STT3A: variants seen among roughly 807,000 people sequenced by gnomAD.
STT3A encodes the protein dolichyl-diphosphooligosaccharide--protein glycosyltransferase subunit STT3A.
A neutral mutation model predicts 89.2 loss-of-function variants in STT3A; 34 were observed. That is an observed-to-expected ratio of 0.38 (90% CI 0.29 to 0.51). STT3A has a LOEUF of 0.51. STT3A is among the 20% of genes least tolerant of loss of function. The pLI, the probability that STT3A is intolerant of heterozygous loss-of-function variation, is 0.89. For missense variants in STT3A, 555 were observed against 889.5 expected, an observed-to-expected ratio of 0.62 and a Z score of 4.78; for synonymous variants, 282 against 310.3, an observed-to-expected ratio of 0.91 and a Z score of 0.96.
Position 125,621,749 on chromosome 11 carries a change from A to G in STT3A, c.*939A>G, listed in dbSNP as rs961156315. On this transcript the variant is annotated 3_prime_UTR_variant, in exon 18 of 18. Coordinates refer to ENST00000392708, the MANE Select transcript of STT3A (RefSeq NM_152713.5). ...TTGAAGCTCTTTCCAAATAAGATAC[A>G]AATTAAAAGGGGAAGCATTGCCAGT... 2 of 152,222 alleles carry G rather than the reference A, an allele frequency of 1.3e-5. No individual in the cohort carries two copies. Among genetic ancestry groups the G allele is most frequent in the Admixed American group, 6.5e-5 (1 of 15,278 alleles). 9.4% of individuals were successfully genotyped at this position (152,222 alleles called of 1,614,324 possible). A position where few individuals can be genotyped will look rare whatever the true frequency, so the allele number is the denominator to read the frequency against.
rs1030125914 is a variant in STT3A at position 125,603,020 on chromosome 11, G to C, written c.417+72G>C. ...GCCTCTCTAATCGATGCTGGAGGGTGGGGGACAGAGCCTTAGAAAGGCAGG... is the reference window on the plus strand; with the variant it reads ...GCCTCTCTAATCGATGCTGGAGGGTCGGGGACAGAGCCTTAGAAAGGCAGG... On this transcript the variant is annotated intron_variant, in intron 5 of 17. Transcript: ENST00000392708. The C allele has an allele frequency of 3.2e-6, 5 of 1,569,700 alleles. No homozygotes were observed. The African/African-American group carries it at 4.0e-5, about 13-fold the overall frequency.
At chr11:125,604,056 T>G (rs1939765657) in intron 5 of STT3A, 101 bp from the exon 6 acceptor site, 1 of 1,220,772 alleles carries the variant, frequency 8.2e-7, no homozygotes, top group Admixed American at 2.3e-5. Context: ...ATTGTTGGAC[T>G]GTTTTCTGGG....
intron 17 of STT3A, 28 bp from the exon 18 acceptor site, chr11:125,620,744 A>ATAT: frequency 6.2e-7 from 1 of 1,611,348 alleles, no homozygotes; most frequent in Non-Finnish European, 8.5e-7. Flanking sequence ...CTGATTGTAA[A>ATAT]TATTAAACTG....
intron 3 of STT3A, among the ~76,000 whole-genome samples, chr11:125,598,372 T>C (rs1939563423): frequency 6.6e-6 from 1 of 152,228 alleles, no homozygotes; most frequent in South Asian, 2.1e-4. Context: ...TTAAGGCTTA[T>C]AACAAATTTG....
rs771099094 is a variant in STT3A at position 125,602,853 on chromosome 11, A to G, written c.322A>G (p.Ile108Val). 1.2e-6 allele frequency: 2 copies of G among 1,613,872 alleles called. No homozygotes were observed. The highest frequency in any genetic ancestry group is 1.3e-5 in the African/African-American group (1 of 74,882). ...AIYHVLHFFH[I>V]TIDIRNVCVF... is the part of the protein sequence containing the mutation. ...CTACCATGTACTCCATTTTTTCCAC[A>G]TCACCATCGACATTCGGAATGTCTG... The change falls in exon 5 of 18, where the codon ATC becomes GTC. Residue 108 changes from isoleucine (I) to valine (V), a missense_variant. Around this residue, in one of 5 missense-constraint regions of STT3A, gnomAD observed 129 missense variants for 193.2 expected, o/e 0.67. Coordinates refer to ENST00000392708, the MANE Select transcript of STT3A (RefSeq NM_152713.5).
At chr11:125,595,858 T>C in intron 1 of STT3A, 23 bp from the exon 2 acceptor site, 1 of 1,088,916 alleles carries the variant, frequency 9.2e-7, no homozygotes, top group Admixed American at 1.8e-5. Flanking sequence ...CAATATCTTG[T>C]GGTCTTGACT....
rs34558992 is a variant in STT3A, at chr11:125,594,582, CAAA to C, written c.-35-1281_-35-1279del. ...CTGGCGACAGAGCAAGACTCCGTCT[CAAA>C]AAAAAAAAAAAAAAAAAGATAGTAG... On this transcript the variant is annotated intron_variant, in intron 1 of 17. Transcript: ENST00000392708. Among the ~76,000 whole-genome samples, 8 of 92,334 alleles carry C rather than the reference CAAA, an allele frequency of 8.7e-5. 1 individual carries two copies. Among genetic ancestry groups the C allele is most frequent in the African/African-American group, 9.4e-5 (2 of 21,172 alleles). 60.6% of individuals were successfully genotyped at this position (92,334 alleles called of 152,430 possible).
chr11:125,599,607 T>C (rs989131897), intron 3 of STT3A, among the ~76,000 whole-genome samples: 1 of 150,770 alleles, frequency 6.6e-6, no homozygotes, highest in Admixed American at 6.6e-5. Context: ...TTGGGTCTTG[T>C]TATGTTACAC....
At chr11:125,601,906 C>T (rs1164121119) in intron 3 of STT3A, among the ~76,000 whole-genome samples, 3 of 151,918 alleles carry the variant, frequency 2.0e-5, no homozygotes. Context: ...TCTAGCGATT[C>T]TCCTGCCTCA....
At chr11:125,607,806 T>C (rs1939882609) in intron 8 of STT3A, among the ~76,000 whole-genome samples, 2 of 152,220 alleles carry the variant, frequency 1.3e-5, no homozygotes, top group Non-Finnish European at 2.9e-5. Context: ...AGTTGGACCT[T>C]GAATGATGAG....
intron 7 of STT3A, 65 bp from the exon 8 acceptor site, chr11:125,606,236 C>A: frequency 7.0e-7 from 1 of 1,436,664 alleles, no homozygotes; most frequent in South Asian, 1.3e-5. Context: ...TGATATCCTA[C>A]AATATAGTGG....
chr11:125,609,256 C>T (rs1939928540), intron 9 of STT3A, among the ~76,000 whole-genome samples, 178 bp from the exon 10 acceptor site: 1 of 152,222 alleles, frequency 6.6e-6, no homozygotes, highest in South Asian at 2.1e-4. Context: ...GACAAAAGTA[C>T]TCTCAGGTTT....
intron 15 of STT3A, among the ~76,000 whole-genome samples, 178 bp from the exon 16 acceptor site, chr11:125,618,195 T>G (rs1940234450): frequency 6.6e-6 from 1 of 152,200 alleles, no homozygotes; most frequent in Non-Finnish European, 1.5e-5. Flanking sequence ...TCAGAAAAGT[T>G]GTATATTTTG....
In STT3A at chr11:125,612,674, A is replaced by G; in HGVS notation, c.1292A>G (p.Lys431Arg). The G allele has an allele frequency of 6.8e-6, 11 of 1,614,228 alleles. No individual in the cohort carries two copies. Among genetic ancestry groups the G allele is most frequent in the Non-Finnish European group, 8.5e-6 (10 of 1,180,034 alleles). ...TCCCAGGTGCTGTCCACATACATGAAGAATCTGGACATAAGTCGTCCAGAC... is the reference window on the plus strand; with the variant it reads ...TCCCAGGTGCTGTCCACATACATGAGGAATCTGGACATAAGTCGTCCAGAC... ...GVSQVLSTYM[K>R]NLDISRPDKK... The change falls in exon 12 of 18, where the codon AAG becomes AGG. Residue 431 changes from lysine (K) to arginine (R), a missense_variant. Transcript: ENST00000392708.
At chr11:125,605,366 C>T (rs111474770) in intron 6 of STT3A, among the ~76,000 whole-genome samples, 4 of 152,048 alleles carry the variant, frequency 2.6e-5, no homozygotes, top group African/African-American at 9.7e-5. Context: ...TAATAATGGC[C>T]AATATTTACT....
chr11:125,596,460 G>T lies in STT3A; in HGVS notation c.88+457G>T, dbSNP rs146269525. ...AGCCTGGGCAACAGAGCAAGACTCT[G>T]TCTCAAAAAAAAGAGGGCTGTGATC... On this transcript the variant is annotated intron_variant, in intron 2 of 17. Transcript: ENST00000392708. Among the ~76,000 whole-genome samples the T allele has an allele frequency of 5.9e-3, 899 of 152,146 alleles. 9 individuals are homozygous for T. Among genetic ancestry groups the T allele is most frequent in the African/African-American group, 0.02 (835 of 41,486 alleles).
Position 125,609,449 on chromosome 11 carries a change from G to C in STT3A, c.977G>C (p.Trp326Ser). The change falls in exon 10 of 18, where the codon TGG becomes TCG. Residue 326 changes from tryptophan to serine, a missense_variant. Trp to Ser is a radical substitution (Grantham distance 177). Around this residue, in one of 5 missense-constraint regions of STT3A, gnomAD observed 149 missense variants for 206.2 expected, o/e 0.72. Transcript: ENST00000392708. ...TTGCTGCTAGGAAAAATATCTCCCT[G>C]GACGGGGCGTTTCTACTCGCTGCTG... ...LLMLTGKISP[W>S]TGRFYSLLDP... 1 of 1,610,090 alleles carries C rather than the reference G, an allele frequency of 6.2e-7. No homozygotes were observed. Among genetic ancestry groups the C allele is most frequent in the Non-Finnish European group, 8.5e-7 (1 of 1,178,892 alleles).
At position 125,594,256 on chromosome 11, in the gene STT3A, C is replaced by T. The variant is rs184268179; in HGVS notation, c.-36+1338C>T. 5.6e-3 allele frequency among the ~76,000 whole-genome samples: 849 copies of T among 152,176 alleles called. 11 individuals are homozygous for T. The highest frequency in any genetic ancestry group is 0.019 in the African/African-American group (806 of 41,502). On this transcript the variant is annotated intron_variant, in intron 1 of 17. Coordinates refer to ENST00000392708, the MANE Select transcript of STT3A (RefSeq NM_152713.5). ...GGTGTTGCATATCCTTTGTTATAGT[C>T]GTTATAACTTAGCTCTTGATCACCT...
rs1213743997 is a variant in STT3A, at chr11:125,593,099, G to A, written c.-36+181G>A. 5.8e-5 allele frequency: 9 copies of A among 154,234 alleles called. No homozygotes were observed. In the South Asian group the frequency reaches 1.5e-3, roughly 25 times the overall value. 9.6% of individuals were successfully genotyped at this position (154,234 alleles called of 1,614,324 possible). On this transcript the variant is annotated intron_variant, in intron 1 of 17. Transcript: ENST00000392708. ...GGCTTCCTGGATGGAAGGATGCGAA[G>A]GTCTAGGGAGGGAGGGTAAGGTGGG...
Sources: allele counts gnomAD v4.1 joint callset (sites outside exome capture counted in the v4.1 genomes callset), GRCh38; gene constraint gnomAD v4.1.1; regional missense constraint gnomAD v4.1.1; transcripts MANE v1.5; gene names NCBI Gene and HGNC (gene_info 2026-07-23, HGNC 2026-07-21).